The following RBPJ variants were observed in gnomAD, a reference collection of about 807,000 sequenced individuals.
RBPJ encodes recombination signal binding protein for immunoglobulin kappa J region.
Under a neutral mutation model 67.8 loss-of-function variants are expected in RBPJ, and 9 were observed. That is an observed-to-expected ratio of 0.13 (90% CI 0.08 to 0.23). RBPJ has a LOEUF of 0.23. Ranked by LOEUF, RBPJ falls within the 10% of genes least tolerant of loss-of-function variation. The pLI is 1.00. For synonymous variants in RBPJ, 198 were observed against 203.3 expected (o/e 0.97, Z 0.22); for missense variants, 305 against 595.6 (o/e 0.51, Z 5.08).
At chr4:26,204,495 A>G (rs946201586) in intron 1 of RBPJ, among the ~76,000 whole-genome samples, 5 of 152,154 alleles carry the variant, frequency 3.3e-5, no homozygotes, top group African/African-American at 1.2e-4. Flanking sequence ...CAGTTACACA[A>G]TGTGCTTATG....
intron 3 of RBPJ, among the ~76,000 whole-genome samples, chr4:26,415,101 A>G (rs1229450126): frequency 6.6e-6 from 1 of 152,168 alleles, no homozygotes; most frequent in Non-Finnish European, 1.5e-5. Context: ...ATAGGCCTTA[A>G]TTAGTAATTA....
chr4:26,425,789 T>C (rs544896081), intron 7 of RBPJ, among the ~76,000 whole-genome samples: 2 of 152,186 alleles, frequency 1.3e-5, no homozygotes, highest in African/African-American at 4.8e-5. Context: ...AAGGTCAGAC[T>C]GAAGAGGTTG....
the RBPJ span, among the ~76,000 whole-genome samples, chr4:26,145,372 G>T: frequency 6.6e-6 from 1 of 152,164 alleles, no homozygotes; most frequent in East Asian, 1.9e-4. Context: ...TCTGAGCAGA[G>T]GCTGGGTGAC....
chr4:26,386,987 G>A (rs998362307), intron 2 of RBPJ, among the ~76,000 whole-genome samples: 1 of 151,932 alleles, frequency 6.6e-6, no homozygotes, highest in Non-Finnish European at 1.5e-5. Context: ...TGTCTTTCAA[G>A]AAAATGAGAT....
chr4:26,363,543 A>G (rs1252492131), intron 1 of RBPJ, among the ~76,000 whole-genome samples: 2 of 152,142 alleles, frequency 1.3e-5, no homozygotes, highest in East Asian at 1.9e-4. Context: ...GGTTCAAGCA[A>G]TTCTCCTGTC....
rs367795529 is a variant in RBPJ at position 26,363,245 on chromosome 4, T to G, written c.21-23108T>G. Among the ~76,000 whole-genome samples the G allele has an allele frequency of 6.6e-5, 10 of 152,212 alleles. No individual in the cohort carries two copies. The East Asian group carries it at 7.7e-4, about 12-fold the overall frequency. On this transcript the variant is annotated intron_variant, in intron 1 of 10. Transcript: ENST00000355476. ...ACCTCCACTTCCTGGGTTCAACCAATTCTTCTGCCTCAGCTTCCTGAGTAG... is the reference window on the plus strand; with the variant it reads ...ACCTCCACTTCCTGGGTTCAACCAAGTCTTCTGCCTCAGCTTCCTGAGTAG...
At chr4:26,181,235 CA>C (rs1422172948) in intron 1 of RBPJ, among the ~76,000 whole-genome samples, 3 of 152,092 alleles carry the variant, frequency 2.0e-5, no homozygotes, top group African/African-American at 4.8e-5. Flanking sequence ...AGCTGTTTCT[CA>C]CTGTAAGTCT....
In RBPJ at chr4:26,432,239, G is replaced by A. The variant is rs1049466764; in HGVS notation, c.*1232G>A. On this transcript the variant is annotated 3_prime_UTR_variant, in exon 11 of 11. Transcript: ENST00000355476. ...CATGTTTTATTATCTTTACTTTTTT[G>A]GGGGGTTGGAGGGGGTAGCCTAGCC... The A allele has an allele frequency of 1.5e-4, 23 of 152,162 alleles. No homozygotes were observed. The highest frequency in any genetic ancestry group is 5.1e-4 in the African/African-American group (21 of 41,404). 9.4% of individuals were successfully genotyped at this position (152,162 alleles called of 1,614,324 possible).
chr4:26,184,873 G>T (rs1473222593), intron 1 of RBPJ, among the ~76,000 whole-genome samples: 1 of 152,164 alleles, frequency 6.6e-6, no homozygotes. Flanking sequence ...CGGGTGCGGT[G>T]GCTCATGCCT....
chr4:26,144,437 T>A, the RBPJ span, among the ~76,000 whole-genome samples: 1 of 151,930 alleles, frequency 6.6e-6, no homozygotes. Flanking sequence ...GCCCAGCTAA[T>A]TTTTGTATTT....
At chr4:26,270,112 C>T (rs113489441) in intron 1 of RBPJ, among the ~76,000 whole-genome samples, 1,769 of 151,288 alleles carry the variant, frequency 0.012, 35 homozygotes, top group African/African-American at 0.04. Flanking sequence ...CAAAACCTCA[C>T]CTCTACTAAC....
At chr4:26,118,283 C>T in the RBPJ span, among the ~76,000 whole-genome samples, 41 of 152,292 alleles carry the variant, frequency 2.7e-4, no homozygotes, top group East Asian at 6.0e-3. Flanking sequence ...ATTAGAGACA[C>T]GGATCTGCCA....
intron 1 of RBPJ, among the ~76,000 whole-genome samples, chr4:26,204,752 TTA>T (rs1718110226): frequency 6.6e-6 from 1 of 152,104 alleles, no homozygotes; most frequent in African/African-American, 2.4e-5. Context: ...CGTAAAATGG[TTA>T]TGAGGGTTCA....
intron 1 of RBPJ, among the ~76,000 whole-genome samples, chr4:26,253,221 A>G (rs2109238975): frequency 6.6e-6 from 1 of 152,348 alleles, no homozygotes; most frequent in African/African-American, 2.4e-5. Flanking sequence ...AATACAAACA[A>G]AACAAAATTA....
intron 1 of RBPJ, among the ~76,000 whole-genome samples, chr4:26,217,645 C>T (rs757026968): frequency 2.0e-5 from 3 of 152,096 alleles, no homozygotes; most frequent in Non-Finnish European, 2.9e-5. Flanking sequence ...CTCTTGGCAG[C>T]GCTGTTTGCA....
At chr4:26,306,239 G>GA (rs1722234744) in intron 1 of RBPJ, among the ~76,000 whole-genome samples, 1 of 151,946 alleles carries the variant, frequency 6.6e-6, no homozygotes. Context: ...ATACCATGTT[G>GA]AATAGAATTG....
At chr4:26,232,714 A>G (rs1577498823) in intron 1 of RBPJ, among the ~76,000 whole-genome samples, 2 of 152,198 alleles carry the variant, frequency 1.3e-5, no homozygotes, top group East Asian at 3.8e-4. Flanking sequence ...ATTATTAGAG[A>G]AAGATTTCAG....
chr4:26,241,701 A>T (rs1459558763), intron 1 of RBPJ, among the ~76,000 whole-genome samples: 1 of 151,810 alleles, frequency 6.6e-6, no homozygotes, highest in East Asian at 1.9e-4. Context: ...TAGTAGAGGC[A>T]GGGTTTCGCT....
intron 1 of RBPJ, among the ~76,000 whole-genome samples, chr4:26,295,036 G>C (rs545613466): frequency 1.3e-5 from 2 of 152,164 alleles, no homozygotes; most frequent in African/African-American, 2.4e-5. Flanking sequence ...CCCTTCTTAG[G>C]AATGATCCCT....
Sources: gnomAD v4.1 joint callset for allele counts (sites outside exome capture counted in the v4.1 genomes callset) on GRCh38, gnomAD v4.1.1 for gene constraint, MANE v1.5 for transcripts, NCBI Gene and HGNC (gene_info 2026-07-23, HGNC 2026-07-21) for gene names.